The following OLFM1 variants were observed in gnomAD, a reference collection of about 807,000 sequenced individuals.
OLFM1 encodes noelin.
A neutral mutation model predicts 49.7 loss-of-function variants in OLFM1; 9 were observed. The ratio of observed to expected loss-of-function variants is 0.18; its 90% CI spans 0.11 to 0.32. The LOEUF is 0.32. Among genes scored for constraint, OLFM1 ranks in the 10% least tolerant of loss-of-function variants. OLFM1 has a pLI of 1.00. For missense variants in OLFM1, 369 were observed against 661.8 expected, an observed-to-expected ratio of 0.56 and a Z score of 4.85; for synonymous variants, 240 against 271.8, an observed-to-expected ratio of 0.88 and a Z score of 1.15.
At chr9:135,114,340 C>T (rs1831066600) in intron 5 of OLFM1, among the ~76,000 whole-genome samples, 1 of 151,952 alleles carries the variant, frequency 6.6e-6, no homozygotes, top group Non-Finnish European at 1.5e-5. Context: ...AGGTCTCGAA[C>T]TCCTGACCTC....
chr9:135,089,965 T>C (rs1239577907), intron 1 of OLFM1, among the ~76,000 whole-genome samples: 3 of 152,204 alleles, frequency 2.0e-5, no homozygotes. Context: ...TAAAGGGTCT[T>C]GCCTCTTTGA....
At chr9:135,114,989 G>A (rs1457773751) in intron 5 of OLFM1, among the ~76,000 whole-genome samples, 2 of 152,168 alleles carry the variant, frequency 1.3e-5, no homozygotes, top group African/African-American at 4.8e-5. Context: ...CTCTATGGCA[G>A]GAAGGATGAG....
intron 3 of OLFM1, chr9:135,097,663 G>T: frequency 1.2e-6 from 1 of 845,180 alleles, no homozygotes; most frequent in South Asian, 1.4e-5. Context: ...TGACTAACTC[G>T]AGCATTACAG....
At position 135,120,717 on chromosome 9, in the gene OLFM1, C is replaced by G. The variant is rs1831175167; in HGVS notation, c.*539C>G. 6.3e-6 allele frequency: 1 copy of G among 158,334 alleles called. No homozygotes were observed. Among genetic ancestry groups the G allele is most frequent in the Admixed American group, 6.1e-5 (1 of 16,354 alleles). The allele number at this position is 158,334 out of a possible 1,614,324, so 9.8% of individuals were successfully genotyped here. On this transcript the variant is annotated 3_prime_UTR_variant, in exon 6 of 6. Transcript: ENST00000371793. ...CTCCTGGACCTGTGTCTAGTACATA[C>G]TGAAGCGATGGTCAGAGTGTGTAGA...
rs80219162 is a variant in OLFM1, at chr9:135,102,163, G to A, written c.676+3658G>A. Among the ~76,000 whole-genome samples the A allele has an allele frequency of 2.6e-3, 399 of 152,314 alleles. 13 individuals are homozygous for A. In the South Asian group the frequency reaches 0.057, roughly 22 times the overall value. On this transcript the variant is annotated intron_variant, in intron 4 of 5. Transcript: ENST00000371793. The stretch of plus-strand genomic sequence containing the variant: ...CAGTTGCAGGCCCCCGTCCCAGCTC[G>A]GGATGGCAGGGCATAGTGCTTGGCT...
chr9:135,116,133 C>G (rs146618876), intron 5 of OLFM1, among the ~76,000 whole-genome samples: 1 of 152,164 alleles, frequency 6.6e-6, no homozygotes, highest in Non-Finnish European at 1.5e-5. Flanking sequence ...AAGAAAAAGG[C>G]CTTTCAGATG....
intron 2 of OLFM1, among the ~76,000 whole-genome samples, chr9:135,092,395 A>C (rs148741810): frequency 6.6e-6 from 1 of 152,106 alleles, no homozygotes. Context: ...TAGTTCGTAA[A>C]GCACGCTCAC....
chr9:135,109,088 T>C (rs1545796), intron 5 of OLFM1, among the ~76,000 whole-genome samples: 21,745 of 152,140 alleles, frequency 0.14, 1,712 homozygotes, highest in Non-Finnish European at 0.16. Context: ...GCTGGACTGC[T>C]CTGTCTGTAT....
At chr9:135,095,764 G>A in intron 2 of OLFM1, 100 bp from the exon 3 acceptor site, 1 of 1,293,102 alleles carries the variant, frequency 7.7e-7, no homozygotes, top group Non-Finnish European at 1.1e-6. Context: ...TTCCCAGTGT[G>A]CTGGCTGTGT....
Position 135,077,068 on chromosome 9 carries a change from G to GAA in OLFM1, c.96+1266_96+1267insAA, listed in dbSNP as rs1554751424. 3.6e-6 allele frequency: 5 copies of GAA among 1,404,828 alleles called. No homozygotes were observed. In the South Asian group the frequency reaches 6.3e-5, roughly 18 times the overall value. The allele number at this position is 1,404,828 out of a possible 1,614,324, so 87.0% of individuals were successfully genotyped here. ...CTGGAGAGGTTCTGCATGGCCTCTAGGAGAGGTTTTCTTGGCCCCAGGAAG... is the reference window on the plus strand; with the variant it reads ...CTGGAGAGGTTCTGCATGGCCTCTAGAAGAGAGGTTTTCTTGGCCCCAGGAAG... On this transcript the variant is annotated intron_variant, in intron 1 of 5. Coordinates refer to the OLFM1 transcript ENST00000252854.
chr9:135,090,095 G>A lies in OLFM1; in HGVS notation c.151-100G>A, dbSNP rs1046694037. ...ATTTCCTCCCATCTTTTCCTTGGGG[G>A]TGGATGTGGACAGTTTCCCCTGGTT... On this transcript the variant is annotated intron_variant, in intron 1 of 5. Coordinates refer to ENST00000371793, the MANE Select transcript of OLFM1 (RefSeq NM_001282611.2). 6.4e-5 allele frequency: 70 copies of A among 1,090,324 alleles called. 1 individual carries two copies. In the African/African-American group the frequency reaches 1.0e-3, roughly 16 times the overall value. The allele number at this position is 1,090,324 out of a possible 1,614,324, so 67.5% of individuals were successfully genotyped here.
chr9:135,084,574 C>T (rs920720585), upstream of OLFM1, among the ~76,000 whole-genome samples: 2 of 151,774 alleles, frequency 1.3e-5, no homozygotes, highest in Non-Finnish European at 2.9e-5. This position sits in a 1 kb window ranked among gnomAD's most constrained non-coding sequence, Gnocchi z 4.6. Flanking sequence ...CTTTGTCTTT[C>T]TGTCTCTCTG....
chr9:135,111,875 A>ATT (rs143579524), intron 5 of OLFM1, among the ~76,000 whole-genome samples: 1 of 151,732 alleles, frequency 6.6e-6, no homozygotes, highest in Non-Finnish European at 1.5e-5. Flanking sequence ...ACTTCCGGCT[A>ATT]TTTTTTTTCT....
At chr9:135,097,146 G>T (rs971628972) in intron 3 of OLFM1, among the ~76,000 whole-genome samples, 1 of 152,090 alleles carries the variant, frequency 6.6e-6, no homozygotes, top group Non-Finnish European at 1.5e-5. Flanking sequence ...GTTTTTCTTC[G>T]ATGTGCTCCC....
chr9:135,108,658 C>A (rs1365778104), intron 5 of OLFM1, among the ~76,000 whole-genome samples: 1 of 151,820 alleles, frequency 6.6e-6, no homozygotes, highest in Non-Finnish European at 1.5e-5. Context: ...AAAAAAACAG[C>A]GAGTGTGTCC....
At position 135,117,199 on chromosome 9, in the gene OLFM1, T is replaced by G. The variant is rs1346783266; in HGVS notation, c.784-2305T>G. Among the ~76,000 whole-genome samples the G allele has an allele frequency of 6.6e-6, 1 of 152,198 alleles. No homozygotes were observed. The highest frequency in any genetic ancestry group is 1.5e-5 in the Non-Finnish European group (1 of 68,042). On this transcript the variant is annotated intron_variant, in intron 5 of 5. Coordinates refer to ENST00000371793, the MANE Select transcript of OLFM1 (RefSeq NM_001282611.2). This position sits in a 1 kb window ranked among gnomAD's most constrained non-coding sequence, Gnocchi z 5.5. ...GCGCAAAGTCCAGACAGTTCTCAAG[T>G]CAACTGGCATTTCATCGGAAATCTC...
chr9:135,081,665 A>C (rs1269174881), intron 1 of OLFM1, among the ~76,000 whole-genome samples: 1 of 152,194 alleles, frequency 6.6e-6, no homozygotes, highest in African/African-American at 2.4e-5. Context: ...TGTGCATGAC[A>C]ACTTGAGATC....
At chr9:135,084,024 G>A (rs145171506), upstream of OLFM1, among the ~76,000 whole-genome samples, 39 of 152,322 alleles carry the variant, frequency 2.6e-4, no homozygotes, top group Middle Eastern at 6.8e-3. This position sits in a 1 kb window ranked among gnomAD's most constrained non-coding sequence, Gnocchi z 4.6. Context: ...GAGCAGTTAC[G>A]CCTCCACCCA....
chr9:135,118,310 G>T (rs140255694), intron 5 of OLFM1, among the ~76,000 whole-genome samples: 1 of 151,866 alleles, frequency 6.6e-6, no homozygotes, highest in Non-Finnish European at 1.5e-5. Context: ...TGCTCACCAG[G>T]TCTTTGGAAG....
Sources: gnomAD v4.1 joint callset for allele counts (sites outside exome capture counted in the v4.1 genomes callset) on GRCh38, gnomAD v4.1.1 for gene constraint, Gnocchi (gnomAD v3.1) non-coding constraint, MANE v1.5 for transcripts, NCBI Gene and HGNC (gene_info 2026-07-23, HGNC 2026-07-21) for gene names.